Variants in GABRB1 observed in about 807,000 individuals in gnomAD.
The protein encoded by GABRB1 is gamma-aminobutyric acid type A receptor subunit beta1.
Under a neutral mutation model 51.6 loss-of-function variants are expected in GABRB1, and 17 were observed. That is an observed-to-expected ratio of 0.33 (90% confidence interval 0.23 to 0.49). The LOEUF is 0.49. GABRB1 is among the 20% of genes least tolerant of loss of function. The probability of loss-of-function intolerance (pLI) is 0.99; values close to 1 mark genes in which losing one functional copy is unlikely to be tolerated. For missense variants in GABRB1, 410 were observed against 600.6 expected (o/e 0.68, Z 3.32); for synonymous variants, 247 against 218.9 (o/e 1.13, Z -1.14).
At chr4:47,322,848 AG>A (rs1451701521) in intron 5 of GABRB1, among the ~76,000 whole-genome samples, 1 of 152,136 alleles carries the variant, frequency 6.6e-6, no homozygotes, top group East Asian at 1.9e-4. Flanking sequence ...ATGCACCTGT[AG>A]TACCAGCTAC....
chr4:47,149,043 TG>T (rs1157300418), intron 3 of GABRB1, among the ~76,000 whole-genome samples: 1 of 151,880 alleles, frequency 6.6e-6, no homozygotes, highest in Non-Finnish European at 1.5e-5. Context: ...ATCACAGCTG[TG>T]ATATTTTTGA....
At chr4:47,370,367 G>A (rs1326400899) in intron 5 of GABRB1, among the ~76,000 whole-genome samples, 2 of 151,888 alleles carry the variant, frequency 1.3e-5, no homozygotes, top group African/African-American at 4.8e-5. Flanking sequence ...GGCACCTGTA[G>A]TCCCAGCTAC....
chr4:47,292,387 CCTTTAAAAAGTTTA>C (rs1366350318), intron 4 of GABRB1, among the ~76,000 whole-genome samples: 1 of 152,036 alleles, frequency 6.6e-6, no homozygotes, highest in East Asian at 1.9e-4. Flanking sequence ...ACAAGTATAC[CCTTTAAAAAGTTTA>C]CTTTAAAAAA....
intron 4 of GABRB1, among the ~76,000 whole-genome samples, chr4:47,219,060 C>G (rs866967939): frequency 1.3e-5 from 2 of 151,774 alleles, no homozygotes; most frequent in African/African-American, 4.8e-5. Context: ...CTCTGGAAAG[C>G]TTTTAACAAC....
At chr4:47,105,351 C>A (rs1313495520) in intron 3 of GABRB1, among the ~76,000 whole-genome samples, 1 of 152,078 alleles carries the variant, frequency 6.6e-6, no homozygotes, top group Non-Finnish European at 1.5e-5. Context: ...CCTCTCCCAG[C>A]AAGAGATTGC....
chr4:47,364,512 A>T (rs1726914047), intron 5 of GABRB1, among the ~76,000 whole-genome samples: 1 of 152,028 alleles, frequency 6.6e-6, no homozygotes. Context: ...ATAAAAAGAA[A>T]AGGAAAAGAT....
At chr4:47,314,641 C>A (rs1724819890) in intron 4 of GABRB1, among the ~76,000 whole-genome samples, 1 of 151,890 alleles carries the variant, frequency 6.6e-6, no homozygotes, top group Admixed American at 6.6e-5. Flanking sequence ...CTTTTTGCTG[C>A]ACACCTACAA....
At chr4:47,352,809 G>A (rs532349690) in intron 5 of GABRB1, among the ~76,000 whole-genome samples, 23 of 152,312 alleles carry the variant, frequency 1.5e-4, no homozygotes, top group Admixed American at 4.6e-4. Flanking sequence ...CTTCATAGTA[G>A]TGAGGGTTTG....
chr4:47,138,857 T>G lies in GABRB1; in HGVS notation c.241-22392T>G, dbSNP rs191458045. ...TTATTAGAGTGGGTAAATTTTCTAA[T>G]ACATTTAAATTAATTTAAATTAGTT... On this transcript the variant is annotated intron_variant, in intron 3 of 8. Coordinates refer to ENST00000295454, the MANE Select transcript of GABRB1 (RefSeq NM_000812.4). Among the ~76,000 whole-genome samples the G allele has an allele frequency of 1.3e-3, 205 of 152,228 alleles. 1 individual carries two copies. The highest frequency in any genetic ancestry group is 4.7e-3 in the African/African-American group (194 of 41,542).
intron 1 of GABRB1, among the ~76,000 whole-genome samples, chr4:47,019,625 C>CTCTCTCTCTCTTTCTTTTTCTT (rs1274221477): frequency 1.1e-5 from 1 of 91,062 alleles, no homozygotes; most frequent in African/African-American, 4.4e-5. Context: ...TTCTTTCTCT[C>CTCTCTCTCTCTTTCTTTTTCTT]TCTTTCTTTC....
intron 3 of GABRB1, among the ~76,000 whole-genome samples, chr4:47,108,726 G>A (rs1380816785): frequency 6.6e-6 from 1 of 151,980 alleles, no homozygotes; most frequent in African/African-American, 2.4e-5. Flanking sequence ...ACTGTAAAAA[G>A]TAATAAAGCA....
At chr4:47,181,546 C>A (rs1188466571) in intron 4 of GABRB1, among the ~76,000 whole-genome samples, 2 of 152,000 alleles carry the variant, frequency 1.3e-5, no homozygotes. Context: ...TCATTTAGTA[C>A]CTCTTTGCTC....
intron 3 of GABRB1, among the ~76,000 whole-genome samples, chr4:47,092,266 T>C (rs2109588469): frequency 7.0e-6 from 1 of 143,544 alleles, no homozygotes; most frequent in African/African-American, 2.6e-5. Context: ...TTGGCCTCCC[T>C]GGTTCAAATG....
At chr4:47,297,723 A>C (rs1245146066) in intron 4 of GABRB1, among the ~76,000 whole-genome samples, 1 of 152,204 alleles carries the variant, frequency 6.6e-6, no homozygotes, top group Non-Finnish European at 1.5e-5. Context: ...ATTCCAATCA[A>C]TAGAAAAAGA....
At chr4:47,088,836 A>G (rs1486046234) in intron 3 of GABRB1, among the ~76,000 whole-genome samples, 1 of 152,170 alleles carries the variant, frequency 6.6e-6, no homozygotes, top group African/African-American at 2.4e-5. Flanking sequence ...GCTATAGTCA[A>G]CCTTTACAAG....
intron 8 of GABRB1, among the ~76,000 whole-genome samples, chr4:47,409,134 G>C (rs867221678): frequency 1.4e-4 from 21 of 152,290 alleles, no homozygotes; most frequent in African/African-American, 5.1e-4. Context: ...GCACTTTTGG[G>C]CTCTGGCCCC....
intron 5 of GABRB1, among the ~76,000 whole-genome samples, chr4:47,351,254 T>A (rs775101700): frequency 5.3e-5 from 8 of 152,230 alleles, no homozygotes; most frequent in Non-Finnish European, 1.0e-4. Context: ...GCCAAAAAAA[T>A]GTAGCCTCCT....
At chr4:47,353,686 A>G (rs1201777901) in intron 5 of GABRB1, among the ~76,000 whole-genome samples, 2 of 152,202 alleles carry the variant, frequency 1.3e-5, no homozygotes, top group African/African-American at 4.8e-5. Flanking sequence ...TCAGGCATAC[A>G]CATACATGGT....
chr4:47,289,168 C>A (rs1436654883), intron 4 of GABRB1, among the ~76,000 whole-genome samples: 1 of 152,116 alleles, frequency 6.6e-6, no homozygotes, highest in Non-Finnish European at 1.5e-5. Flanking sequence ...CAGAGACCAT[C>A]AGTCCACAGA....
Sources: allele counts gnomAD v4.1 joint callset (sites outside exome capture counted in the v4.1 genomes callset), GRCh38; gene constraint gnomAD v4.1.1; transcripts MANE v1.5; gene names NCBI Gene and HGNC (gene_info 2026-07-23, HGNC 2026-07-21).